Variants in NTM observed in about 807,000 individuals in gnomAD.
NTM encodes the protein neurotrimin.
NTM carries 13 observed loss-of-function variants against 42.1 expected under a neutral mutation model. The ratio of observed to expected loss-of-function variants is 0.31; its 90% CI spans 0.20 to 0.49. The LOEUF (loss-of-function observed/expected upper bound fraction) is 0.49, where lower values mean the gene tolerates loss of function less well. Ranked by LOEUF, NTM falls within the 20% of genes least tolerant of loss-of-function variation. The probability of loss-of-function intolerance (pLI) is 0.99; values close to 1 mark genes in which losing one functional copy is unlikely to be tolerated. For synonymous variants in NTM, 187 were observed against 179.2 expected (o/e 1.04, Z -0.35); for missense variants, 373 against 452.8 (o/e 0.82, Z 1.60).
At chr11:131,712,674 T>C (rs76093674) in intron 1 of NTM, among the ~76,000 whole-genome samples, 3,747 of 152,058 alleles carry the variant, frequency 0.025, 149 homozygotes, top group African/African-American at 0.085. Flanking sequence ...CTTGGCACGA[T>C]CTCAGCTCAA....
At chr11:131,461,429 A>G (rs771900312) in intron 1 of NTM, among the ~76,000 whole-genome samples, 3 of 152,222 alleles carry the variant, frequency 2.0e-5, no homozygotes, top group Non-Finnish European at 4.4e-5. Context: ...AGACAGCTAA[A>G]GAAAAGTATC....
chr11:132,150,774 T>C (rs1404336696), intron 3 of NTM, among the ~76,000 whole-genome samples: 1 of 151,936 alleles, frequency 6.6e-6, no homozygotes, highest in Non-Finnish European at 1.5e-5. Context: ...AGCATGGGGG[T>C]GATGACTCCA....
chr11:131,431,016 T>C (rs993131882), intron 1 of NTM, among the ~76,000 whole-genome samples: 1 of 152,216 alleles, frequency 6.6e-6, no homozygotes, highest in African/African-American at 2.4e-5. Context: ...GCTACGGTGA[T>C]TCATATTAGC....
In NTM at chr11:132,079,035, T is replaced by C. The variant is rs147313055; in HGVS notation, c.168-67247T>C. Among the ~76,000 whole-genome samples the C allele has an allele frequency of 4.0e-3, 607 of 152,292 alleles. 3 individuals carry two copies. Among genetic ancestry groups the C allele is most frequent in the African/African-American group, 0.013 (538 of 41,558 alleles). On this transcript the variant is annotated intron_variant, in intron 2 of 8. Coordinates refer to ENST00000683400, the MANE Select transcript of NTM (RefSeq NM_001352005.2). ...CGACAGCATCATGGGGTCGACCCAG[T>C]GGCTGGAGCAATGCTTGGTGAGCGC...
intron 2 of NTM, among the ~76,000 whole-genome samples, chr11:131,969,477 C>T (rs1419487878): frequency 6.6e-6 from 1 of 152,168 alleles, no homozygotes; most frequent in African/African-American, 2.4e-5. Context: ...TGCTGTTTGT[C>T]CATCAGCTCC....
chr11:131,851,334 A>G (rs980859559), intron 1 of NTM, among the ~76,000 whole-genome samples: 1 of 152,184 alleles, frequency 6.6e-6, no homozygotes, highest in Admixed American at 6.5e-5. Context: ...CATTTCAGGT[A>G]TAAAGCTGAA....
chr11:132,223,832 G>T (rs1405382439), intron 4 of NTM, among the ~76,000 whole-genome samples: 2 of 152,194 alleles, frequency 1.3e-5, no homozygotes, highest in Non-Finnish European at 2.9e-5. Context: ...AATGGCGGGG[G>T]TAGCTTATGG....
chr11:131,567,172 G>A (rs905351922), intron 1 of NTM, among the ~76,000 whole-genome samples: 6 of 152,006 alleles, frequency 3.9e-5, no homozygotes, highest in Non-Finnish European at 5.9e-5. Context: ...GAGAGGGGCT[G>A]GGAGATGCTT....
chr11:131,779,123 GC>G (rs545008037), intron 1 of NTM, among the ~76,000 whole-genome samples: 5 of 152,320 alleles, frequency 3.3e-5, no homozygotes, highest in Admixed American at 3.3e-4. Flanking sequence ...AGTGGCCCCA[GC>G]TGACAGCTCA....
At position 131,378,752 on chromosome 11, in the gene NTM, TAGA is replaced by T. The variant is rs770243394; in HGVS notation, c.82+7870_82+7872del. On this transcript the variant is annotated intron_variant, in intron 1 of 8. Transcript: ENST00000683400. ...GAGAGTGCTCAGCAATGACAAGCCT[TAGA>T]AGAAGCTCCATCCTTAGATGTGAGA... Among the ~76,000 whole-genome samples the T allele has an allele frequency of 3.9e-5, 6 of 152,170 alleles. No homozygotes were observed. In the South Asian group the frequency reaches 1.2e-3, roughly 32 times the overall value.
intron 1 of NTM, among the ~76,000 whole-genome samples, chr11:131,760,807 G>A (rs1324385211): frequency 6.6e-6 from 1 of 152,144 alleles, no homozygotes; most frequent in Non-Finnish European, 1.5e-5. Flanking sequence ...CCTGCGGAGG[G>A]AGCTAAGGAA....
intron 1 of NTM, among the ~76,000 whole-genome samples, chr11:131,730,158 G>A (rs1362590944): frequency 6.6e-6 from 1 of 152,144 alleles, no homozygotes; most frequent in African/African-American, 2.4e-5. Flanking sequence ...ATCTCACTGT[G>A]AGTTTGACTT....
chr11:131,610,324 AC>A (rs2061365788), intron 1 of NTM, among the ~76,000 whole-genome samples: 1 of 152,182 alleles, frequency 6.6e-6, no homozygotes, highest in Admixed American at 6.5e-5. Flanking sequence ...AGCTCTTTCC[AC>A]CCAAAACAAC....
At chr11:131,840,226 T>C (rs992530536) in intron 1 of NTM, among the ~76,000 whole-genome samples, 6 of 151,934 alleles carry the variant, frequency 3.9e-5, no homozygotes, top group African/African-American at 7.3e-5. Flanking sequence ...CCCAAGGAAG[T>C]GAATGGGAAA....
chr11:132,040,207 C>T (rs1169580518), intron 2 of NTM, among the ~76,000 whole-genome samples: 1 of 152,062 alleles, frequency 6.6e-6, no homozygotes, highest in Non-Finnish European at 1.5e-5. Context: ...GGATTCCACC[C>T]GCCTCTGCCT....
intron 1 of NTM, among the ~76,000 whole-genome samples, chr11:131,726,135 G>A (rs754710051): frequency 1.1e-4 from 17 of 152,152 alleles, no homozygotes; most frequent in Non-Finnish European, 2.1e-4. Context: ...GAGAAAAGCA[G>A]ACTGGTTGTG....
chr11:131,871,191 A>G (rs1273400594), intron 1 of NTM, among the ~76,000 whole-genome samples: 2 of 152,228 alleles, frequency 1.3e-5, no homozygotes, highest in Non-Finnish European at 2.9e-5. Flanking sequence ...GAAAACCAAC[A>G]TACGTTGTCC....
At chr11:131,544,766 G>A (rs1244057950) in intron 1 of NTM, among the ~76,000 whole-genome samples, 1 of 152,202 alleles carries the variant, frequency 6.6e-6, no homozygotes, top group African/African-American at 2.4e-5. Context: ...TGTGAAGAGT[G>A]GACGTGTGAG....
At chr11:131,964,503 G>A (rs1252897624) in intron 2 of NTM, among the ~76,000 whole-genome samples, 1 of 152,172 alleles carries the variant, frequency 6.6e-6, no homozygotes, top group African/African-American at 2.4e-5. Context: ...TAGAATTCAA[G>A]TGTCTAATTA....
Sources: gnomAD v4.1 joint callset for allele counts (sites outside exome capture counted in the v4.1 genomes callset) on GRCh38, gnomAD v4.1.1 for gene constraint, MANE v1.5 for transcripts, NCBI Gene and HGNC (gene_info 2026-07-23, HGNC 2026-07-21) for gene names.